WIPI2: variants seen among roughly 807,000 people sequenced by gnomAD.
WIPI2 encodes the protein WD repeat domain phosphoinositide-interacting protein 2.
A neutral mutation model predicts 52.3 loss-of-function variants in WIPI2; 28 were observed. The ratio of observed to expected loss-of-function variants is 0.54; its 90% CI spans 0.40 to 0.73. The LOEUF (loss-of-function observed/expected upper bound fraction) is 0.73, where lower values mean the gene tolerates loss of function less well. Among genes scored for constraint, WIPI2 ranks in the 30% least tolerant of loss-of-function variants. WIPI2 has a pLI of 0.00. For synonymous variants in WIPI2, 268 were observed against 245.0 expected (o/e 1.09, Z -0.88); for missense variants, 506 against 602.9 (o/e 0.84, Z 1.68).
In WIPI2 at chr7:5,227,386, C is replaced by T; in HGVS notation, c.1013+42C>T. 1 of 1,601,660 alleles carries T rather than the reference C, an allele frequency of 6.2e-7. No individual in the cohort carries two copies. The highest frequency in any genetic ancestry group is 8.5e-7 in the Non-Finnish European group (1 of 1,176,540). On this transcript the variant is annotated intron_variant, in intron 10 of 12. Coordinates refer to ENST00000288828, the MANE Select transcript of WIPI2 (RefSeq NM_015610.4). This position sits in a 1 kb window ranked among gnomAD's most constrained non-coding sequence, Gnocchi z 8.1. ...CCTCCGTCCCCCACCCCGTGTGCCT[C>T]AGGCCGAGGGGCCCAGTCCTGGCGG...
At chr7:5,195,340 C>T (rs1445460435) in intron 2 of WIPI2, among the ~76,000 whole-genome samples, 2 of 151,980 alleles carry the variant, frequency 1.3e-5, no homozygotes, top group Non-Finnish European at 2.9e-5. Flanking sequence ...CAAAAATTAG[C>T]CGGGTGTGGT....
chr7:5,227,472 G>C lies in WIPI2; in HGVS notation c.1013+128G>C. The C allele has an allele frequency of 9.8e-6, 13 of 1,322,970 alleles. No homozygotes were observed. The highest frequency in any genetic ancestry group is 1.3e-5 in the Non-Finnish European group (13 of 987,852). The allele number at this position is 1,322,970 out of a possible 1,614,324, so 82.0% of individuals were successfully genotyped here. On this transcript the variant is annotated intron_variant, in intron 10 of 12. Coordinates refer to ENST00000288828, the MANE Select transcript of WIPI2 (RefSeq NM_015610.4). The surrounding 1 kb of genome is among the most constrained non-coding windows in gnomAD (Gnocchi z 8.1). ...CTTCTTAGAGCCGACACTCCATCGA[G>C]AGTTGTCGGGGATGGGAGGTCCCCT... is the stretch of plus-strand genomic sequence containing the variant.
rs1297151557 is a variant in WIPI2, at chr7:5,233,257, T to C, written c.*2310T>C. 1 of 152,310 alleles carries C rather than the reference T, an allele frequency of 6.6e-6. No homozygotes were observed. The highest frequency in any genetic ancestry group is 1.5e-5 in the Non-Finnish European group (1 of 68,126). The allele number at this position is 152,310 out of a possible 1,614,324, so 9.4% of individuals were successfully genotyped here. ...TGCCCATTTCACTGCCACCAGCTCCTCTTCCTCTGCTCGAACCTATGAGTC... is the reference window on the plus strand; with the variant it reads ...TGCCCATTTCACTGCCACCAGCTCCCCTTCCTCTGCTCGAACCTATGAGTC... On this transcript the variant is annotated 3_prime_UTR_variant, in exon 13 of 13. Coordinates refer to ENST00000288828, the MANE Select transcript of WIPI2 (RefSeq NM_015610.4).
intron 8 of WIPI2, among the ~76,000 whole-genome samples, chr7:5,223,129 C>G (rs1395626193): frequency 6.6e-6 from 1 of 152,218 alleles, no homozygotes; most frequent in Non-Finnish European, 1.5e-5. Context: ...CTTCCTCCCT[C>G]CAGGCTGCAA....
chr7:5,193,380 T>G, intron 2 of WIPI2: 1 of 1,328,548 alleles, frequency 7.5e-7, no homozygotes, highest in South Asian at 1.9e-5. Flanking sequence ...TTAAATGCCA[T>G]GTCTAAAAGG....
In WIPI2 at chr7:5,190,315, G is replaced by C; in HGVS notation, c.-105G>C. ...GTTGATCCCAGGGTGGCGAGTGGCGGCGACCGAGGCGGCGAGCGGGGCCCG... is the reference window on the plus strand; with the variant it reads ...GTTGATCCCAGGGTGGCGAGTGGCGCCGACCGAGGCGGCGAGCGGGGCCCG... On this transcript the variant is annotated 5_prime_UTR_variant, in exon 1 of 13. Coordinates refer to ENST00000288828, the MANE Select transcript of WIPI2 (RefSeq NM_015610.4). The C allele has an allele frequency of 2.8e-6, 2 of 707,474 alleles. No homozygotes were observed. Among genetic ancestry groups the C allele is most frequent in the Non-Finnish European group, 3.9e-6 (2 of 519,354 alleles). 43.8% of individuals were successfully genotyped at this position (707,474 alleles called of 1,614,324 possible).
At chr7:5,208,114 G>C (rs1004032353) in intron 3 of WIPI2, among the ~76,000 whole-genome samples, 1 of 152,144 alleles carries the variant, frequency 6.6e-6, no homozygotes, top group African/African-American at 2.4e-5. Flanking sequence ...CAGCCCTTCT[G>C]ATGTGTGTAT....
At chr7:5,191,547 C>G (rs1781485772) in intron 1 of WIPI2, among the ~76,000 whole-genome samples, 1 of 152,032 alleles carries the variant, frequency 6.6e-6, no homozygotes, top group South Asian at 2.1e-4. Context: ...CCCACTGATA[C>G]GGGTTGGATG....
intron 8 of WIPI2, among the ~76,000 whole-genome samples, chr7:5,223,751 C>T (rs1167717133): frequency 6.6e-6 from 1 of 152,220 alleles, no homozygotes; most frequent in Non-Finnish European, 1.5e-5. Context: ...CAGTTTGCCC[C>T]TGGCCCCTCG....
chr7:5,211,917 C>T (rs1782582199), intron 3 of WIPI2, among the ~76,000 whole-genome samples: 1 of 152,226 alleles, frequency 6.6e-6, no homozygotes, highest in Non-Finnish European at 1.5e-5. Context: ...CACACACGCC[C>T]AGTACATGTG....
intron 3 of WIPI2, among the ~76,000 whole-genome samples, chr7:5,203,349 G>C (rs953001242): frequency 6.6e-6 from 1 of 152,190 alleles, no homozygotes; most frequent in Non-Finnish European, 1.5e-5. Context: ...TGGCGGAGCC[G>C]CAGACACACA....
Position 5,228,562 on chromosome 7 carries a change from C to T in WIPI2, c.1121+351C>T, listed in dbSNP as rs188647453. Among the ~76,000 whole-genome samples the T allele has an allele frequency of 4.3e-4, 66 of 152,276 alleles. No homozygotes were observed. The East Asian group carries it at 4.8e-3, about 11-fold the overall frequency. ...GAGTTTCGCATTTGGAAAGGAAGGGCGCAGCGTGGTGGCCTCCACAATTCA... is the reference window on the plus strand; with the variant it reads ...GAGTTTCGCATTTGGAAAGGAAGGGTGCAGCGTGGTGGCCTCCACAATTCA... On this transcript the variant is annotated intron_variant, in intron 11 of 12. Transcript: ENST00000288828.
rs202166813 is a variant in WIPI2 at position 5,230,817 on chromosome 7, T to G, written c.1253-18T>G. 1.8e-4 allele frequency: 294 copies of G among 1,606,478 alleles called. 1 individual carries two copies. The highest frequency in any genetic ancestry group is 1.2e-4 in the Non-Finnish European group (140 of 1,175,542). ...GTGTCCCCAGCCTTTGAAGGGTGAC[T>G]TCGTCGTCTCTTTGCAGCCTACACA... On this transcript the variant is annotated intron_variant, in intron 12 of 12. Transcript: ENST00000288828. The surrounding 1 kb of genome is among the most constrained non-coding windows in gnomAD (Gnocchi z 4.8).
intron 3 of WIPI2, among the ~76,000 whole-genome samples, chr7:5,199,939 C>A (rs746511259): frequency 1.3e-5 from 2 of 152,198 alleles, no homozygotes; most frequent in Non-Finnish European, 2.9e-5. Context: ...TGGTCTGTAA[C>A]TTCTCTCCCT....
Position 5,229,786 on chromosome 7 carries a change from G to A in WIPI2, c.1252+48G>A, listed in dbSNP as rs552798257. ...GGAAGGTAATTAGCCCCACAGCCCCGAGTGCTACTGCCTTCTGCTGGCTCC... is the reference window on the plus strand; with the variant it reads ...GGAAGGTAATTAGCCCCACAGCCCCAAGTGCTACTGCCTTCTGCTGGCTCC... On this transcript the variant is annotated intron_variant, in intron 12 of 12. Coordinates refer to ENST00000288828, the MANE Select transcript of WIPI2 (RefSeq NM_015610.4). 39 of 1,607,862 alleles carry A rather than the reference G, an allele frequency of 2.4e-5. No homozygotes were observed. In the South Asian group the frequency reaches 2.9e-4, roughly 12 times the overall value.
At position 5,219,787 on chromosome 7, in the gene WIPI2, C is replaced by T. The variant is rs576615590; in HGVS notation, c.669+1773C>T. Among the ~76,000 whole-genome samples the T allele has an allele frequency of 7.9e-5, 12 of 151,948 alleles. No homozygotes were observed. The South Asian group carries it at 2.3e-3, about 29-fold the overall frequency. ...TCTCTAATTCTCAATGTTACAAGCT[C>T]AGTTTGTGTCCCTCCATCCAGAGAG... is the stretch of plus-strand genomic sequence containing the variant. On this transcript the variant is annotated intron_variant, in intron 7 of 12. Coordinates refer to ENST00000288828, the MANE Select transcript of WIPI2 (RefSeq NM_015610.4).
chr7:5,220,073 CG>C (rs1783032330), intron 7 of WIPI2, among the ~76,000 whole-genome samples: 1 of 151,726 alleles, frequency 6.6e-6, no homozygotes, highest in Non-Finnish European at 1.5e-5. Flanking sequence ...TGAGCTCAAG[CG>C]ATCTACAAAC....
chr7:5,216,736 T>G, intron 5 of WIPI2, 77 bp downstream of exon 5: 2 of 1,407,296 alleles, frequency 1.4e-6, no homozygotes, highest in Non-Finnish European at 9.9e-7. Flanking sequence ...AGAGAGATTT[T>G]TTCTTTTTAT....
At chr7:5,203,017 A>C (rs1782106273) in intron 3 of WIPI2, among the ~76,000 whole-genome samples, 1 of 152,226 alleles carries the variant, frequency 6.6e-6, no homozygotes, top group Non-Finnish European at 1.5e-5. Context: ...TCTGAAACCC[A>C]GCACAAGCAG....
Sources: gnomAD v4.1 joint callset for allele counts (sites outside exome capture counted in the v4.1 genomes callset) on GRCh38, gnomAD v4.1.1 for gene constraint, Gnocchi (gnomAD v3.1) non-coding constraint, MANE v1.5 for transcripts, NCBI Gene and HGNC (gene_info 2026-07-23, HGNC 2026-07-21) for gene names.